MCF2L: variants seen among roughly 807,000 people sequenced by gnomAD.
The protein encoded by MCF2L is MCF.2 cell line derived transforming sequence like.
Under a neutral mutation model 153.4 loss-of-function variants are expected in MCF2L, and 97 were observed. That is an observed-to-expected ratio of 0.63 (90% CI 0.54 to 0.75). MCF2L has a LOEUF of 0.75. MCF2L is among the 30% of genes least tolerant of loss of function. The pLI is 0.00. For synonymous variants in MCF2L, 659 were observed against 632.2 expected (o/e 1.04, Z -0.64); for missense variants, 1,347 against 1,495.2 (o/e 0.90, Z 1.64).
rs535002728 is a variant in MCF2L at position 112,995,083 on chromosome 13, C to T, written c.80-19680C>T. ...CATCCTCTGACCTGCGTGGCACTCA[C>T]GTGTGTCTGCCCCTCCCGTGTTCTC... On this transcript the variant is annotated intron_variant, in intron 1 of 29. Coordinates refer to ENST00000535094, the MANE Select transcript of MCF2L (RefSeq NM_001112732.3). 1.1e-4 allele frequency among the ~76,000 whole-genome samples: 17 copies of T among 152,346 alleles called. No individual in the cohort carries two copies. In the South Asian group the frequency reaches 1.4e-3, roughly 13 times the overall value.
At chr13:113,077,385 A>C (rs893619719) in intron 13 of MCF2L, among the ~76,000 whole-genome samples, 174 bp downstream of exon 13, 2 of 152,148 alleles carry the variant, frequency 1.3e-5, no homozygotes, top group East Asian at 3.9e-4. Flanking sequence ...GCCACCCCTC[A>C]CCCATGTTTA....
chr13:113,045,280 C>T lies in MCF2L; in HGVS notation c.288C>T (p.Asp96=), dbSNP rs751732485. The T allele has an allele frequency of 3.9e-5, 63 of 1,613,266 alleles. No individual in the cohort carries two copies. Among genetic ancestry groups the T allele is most frequent in the Non-Finnish European group, 4.7e-5 (55 of 1,179,478 alleles). ...TYLTSIPSLQ[D]AGIGFILVID... ...CTCTTCCTCACTGCAGCCTGCAGGACGCTGGCATCGGATTCATCCTGGTGA... is the reference window on the plus strand; with the variant it reads ...CTCTTCCTCACTGCAGCCTGCAGGATGCTGGCATCGGATTCATCCTGGTGA... The change falls in exon 4 of 30, where the codon GAC becomes GAT. Residue 96 remains aspartate, a synonymous_variant. Transcript: ENST00000535094. The surrounding 1 kb of genome is among the most constrained non-coding windows in gnomAD (Gnocchi z 4.2).
chr13:113,037,976 G>T (rs1283420322), intron 3 of MCF2L, among the ~76,000 whole-genome samples: 1 of 152,138 alleles, frequency 6.6e-6, no homozygotes, highest in African/African-American at 2.4e-5. Flanking sequence ...AATTTAGCAA[G>T]ATCAATGGGC....
At chr13:112,970,427 T>C (rs2140814712) in intron 1 of MCF2L, among the ~76,000 whole-genome samples, 1 of 152,264 alleles carries the variant, frequency 6.6e-6, no homozygotes, top group Admixed American at 6.5e-5. Flanking sequence ...TAATGGGGGC[T>C]TTTATGATCA....
chr13:112,931,201 G>A (rs2081459405), intron 2 of MCF2L, among the ~76,000 whole-genome samples: 1 of 152,238 alleles, frequency 6.6e-6, no homozygotes, highest in African/African-American at 2.4e-5. Flanking sequence ...GAGCCAACCT[G>A]TGCTGAAGAT....
At position 113,094,566 on chromosome 13, in the gene MCF2L, G is replaced by C; in HGVS notation, c.3006G>C (p.Trp1002Cys). The C allele has an allele frequency of 6.2e-7, 1 of 1,612,638 alleles. No individual in the cohort carries two copies. Among genetic ancestry groups the C allele is most frequent in the Middle Eastern group, 1.7e-4 (1 of 6,060 alleles). Residue 1002 changes from tryptophan (W) to cysteine (C), a missense_variant, in exon 27 of 30, where the codon TGG becomes TGC. Physicochemically the swap from Trp to Cys is radical, Grantham distance 215. This residue lies in a region of MCF2L where 383 missense variants were observed against 335.4 expected (regional missense o/e 1.14). Transcript: ENST00000535094. ...AGGCACCTGAGGACGACGGGGGCTG[G>C]TCAAGTGCAGAGGAGCAGATTAACT... ...SLEAPEDDGG[W>C]SSAEEQINSS... is the part of the protein sequence containing the mutation.
intron 1 of MCF2L, among the ~76,000 whole-genome samples, chr13:113,013,005 C>T (rs971154332): frequency 2.0e-5 from 3 of 152,026 alleles, no homozygotes; most frequent in East Asian, 1.9e-4. Flanking sequence ...GTGATGCGGA[C>T]GGTGCCCCCA....
intron 4 of MCF2L, among the ~76,000 whole-genome samples, chr13:113,052,090 G>T (rs2087374122): frequency 6.6e-6 from 1 of 152,214 alleles, no homozygotes; most frequent in South Asian, 2.1e-4. Context: ...CTGGTGAGTG[G>T]GTGAGGTGAC....
At chr13:112,919,734 G>T (rs909592848) in intron 2 of MCF2L, among the ~76,000 whole-genome samples, 3 of 152,116 alleles carry the variant, frequency 2.0e-5, no homozygotes, top group African/African-American at 7.2e-5. Flanking sequence ...CTACTAGACA[G>T]ATTTTTTTAG....
rs889127469 is a variant in MCF2L, at chr13:113,045,419, C to A, written c.369+58C>A. ...GGCCCCTCCCTGGGCTGCATGACCG[C>A]ATGGTGCCCTTCCTCTGTGTCTGCC... On this transcript the variant is annotated intron_variant, in intron 4 of 29. Transcript: ENST00000535094. The surrounding 1 kb of genome is among the most constrained non-coding windows in gnomAD (Gnocchi z 4.2). 1.3e-4 allele frequency: 176 copies of A among 1,357,794 alleles called. 1 individual carries two copies. The Middle Eastern group carries it at 2.4e-3, about 18-fold the overall frequency. 84.1% of individuals were successfully genotyped at this position (1,357,794 alleles called of 1,614,324 possible).
chr13:113,006,754 AGCCCT>A (rs1207415487), intron 1 of MCF2L, among the ~76,000 whole-genome samples: 4 of 152,226 alleles, frequency 2.6e-5, no homozygotes, highest in Admixed American at 2.6e-4. Context: ...GGGTGCCACC[AGCCCT>A]GCCCACTCAG....
At chr13:112,931,345 C>T (rs1029311584) in intron 2 of MCF2L, among the ~76,000 whole-genome samples, 1 of 152,228 alleles carries the variant, frequency 6.6e-6, no homozygotes, top group Non-Finnish European at 1.5e-5. Flanking sequence ...ACGTCGTTTC[C>T]CGTAGATACA....
chr13:113,075,907 AG>A (rs758482848), intron 11 of MCF2L, 58 bp from the exon 12 acceptor site: 156 of 1,373,668 alleles, frequency 1.1e-4, no homozygotes, highest in Non-Finnish European at 1.5e-4. Flanking sequence ...GTGCCTGGAC[AG>A]GGTGACGCTC....
At chr13:112,955,113 C>T (rs937327402) in intron 2 of MCF2L, among the ~76,000 whole-genome samples, 4 of 152,168 alleles carry the variant, frequency 2.6e-5, no homozygotes, top group Admixed American at 2.6e-4. Context: ...GACTCAGGGA[C>T]CCGAGGGAAA....
At chr13:112,979,412 C>G in intron 1 of MCF2L, 2 of 1,391,550 alleles carry the variant, frequency 1.4e-6, no homozygotes, top group Non-Finnish European at 1.9e-6. Context: ...GTGGCTCGGG[C>G]CAGGCTCTGG....
chr13:113,091,694 C>T (rs561236611), intron 26 of MCF2L, among the ~76,000 whole-genome samples: 1 of 152,008 alleles, frequency 6.6e-6, no homozygotes, highest in Non-Finnish European at 1.5e-5. Context: ...TTTCCCGGGC[C>T]GACGAGGCTG....
At position 113,036,805 on chromosome 13, in the gene MCF2L, G is replaced by T. The variant is rs138370316; in HGVS notation, c.279-8466G>T. 4.4e-3 allele frequency among the ~76,000 whole-genome samples: 664 copies of T among 152,360 alleles called. 3 individuals carry two copies. Among genetic ancestry groups the T allele is most frequent in the African/African-American group, 0.015 (609 of 41,588 alleles). On this transcript the variant is annotated intron_variant, in intron 3 of 29. Transcript: ENST00000535094. ...CCTCCACCAGACCCTGACTCTCAGAGGACTCCAAGCCTCTATTTGTGTTAT... is the reference window on the plus strand; with the variant it reads ...CCTCCACCAGACCCTGACTCTCAGATGACTCCAAGCCTCTATTTGTGTTAT...
chr13:112,997,089 G>A (rs2083171004), intron 1 of MCF2L, among the ~76,000 whole-genome samples: 1 of 152,196 alleles, frequency 6.6e-6, no homozygotes, highest in Admixed American at 6.5e-5. Flanking sequence ...GTGAACGGAG[G>A]GACTCTGAGA....
At chr13:112,997,988 G>A (rs1029001273) in intron 1 of MCF2L, among the ~76,000 whole-genome samples, 1 of 152,162 alleles carries the variant, frequency 6.6e-6, no homozygotes, top group Non-Finnish European at 1.5e-5. Flanking sequence ...AAGCCGGTGC[G>A]TCGGCTCTGT....
Sources: allele counts gnomAD v4.1 joint callset (sites outside exome capture counted in the v4.1 genomes callset), GRCh38; gene constraint gnomAD v4.1.1; regional missense constraint gnomAD v4.1.1; non-coding constraint Gnocchi (gnomAD v3.1); transcripts MANE v1.5; gene names NCBI Gene and HGNC (gene_info 2026-07-23, HGNC 2026-07-21).